The following KSR1 variants were observed in gnomAD, a reference collection of about 807,000 sequenced individuals.
KSR1 encodes kinase suppressor of ras.
Under a neutral mutation model 92.9 loss-of-function variants are expected in KSR1, and 35 were observed. The ratio of observed to expected loss-of-function variants is 0.38; its 90% confidence interval spans 0.29 to 0.50. KSR1 has a LOEUF of 0.50. Ranked by LOEUF, KSR1 falls within the 20% of genes least tolerant of loss-of-function variation. The pLI is 0.94. For synonymous variants in KSR1, 467 were observed against 472.6 expected (o/e 0.99, Z 0.15); for missense variants, 972 against 1,158.5 (o/e 0.84, Z 2.34).
At chr17:27,460,719 G>A (rs1270404515) in intron 1 of KSR1, among the ~76,000 whole-genome samples, 5 of 152,174 alleles carry the variant, frequency 3.3e-5, no homozygotes, top group African/African-American at 1.2e-4. Flanking sequence ...CCCACCGTGT[G>A]GGGGACCTGA....
Position 27,550,735 on chromosome 17 carries a change from G to T in KSR1, c.372+27G>T, listed in dbSNP as rs369260100. On this transcript the variant is annotated intron_variant, in intron 2 of 20. Coordinates refer to ENST00000644974, the MANE Select transcript of KSR1 (RefSeq NM_001394583.1). Reference sequence around the variant, plus strand: ...TATGCAAGCTGGTTCTCAGCATAGGGATAGGCATGAGGGGCCAAGCAGAGG... The same window carrying T: ...TATGCAAGCTGGTTCTCAGCATAGGTATAGGCATGAGGGGCCAAGCAGAGG... 1.5e-4 allele frequency: 115 copies of T among 755,334 alleles called. No individual in the cohort carries two copies. The African/African-American group carries it at 1.6e-3, about 11-fold the overall frequency. The allele number at this position is 755,334 out of a possible 1,614,324, so 46.8% of individuals were successfully genotyped here.
chr17:27,522,649 G>C (rs897986210), intron 1 of KSR1, among the ~76,000 whole-genome samples: 2 of 152,168 alleles, frequency 1.3e-5, no homozygotes, highest in Non-Finnish European at 2.9e-5. Flanking sequence ...GTATTGGAGA[G>C]GGCTTGAGTG....
intron 1 of KSR1, among the ~76,000 whole-genome samples, chr17:27,463,300 A>G (rs554565482): frequency 1.9e-4 from 29 of 152,192 alleles, no homozygotes; most frequent in Admixed American, 9.2e-4. Flanking sequence ...GCTTGAGTCT[A>G]GGAGTTCGAA....
intron 1 of KSR1, chr17:27,526,759 A>G (rs1278919619): frequency 8.4e-6 from 10 of 1,187,948 alleles, no homozygotes; most frequent in South Asian, 1.3e-5. Context: ...ACTCTTTCTC[A>G]TCATCGCACA....
At chr17:27,562,602 C>G (rs1249487725) in intron 2 of KSR1, among the ~76,000 whole-genome samples, 1 of 152,200 alleles carries the variant, frequency 6.6e-6, no homozygotes, top group East Asian at 1.9e-4. Flanking sequence ...TGTGTGTTCC[C>G]TCCTCCTCCT....
intron 1 of KSR1, among the ~76,000 whole-genome samples, chr17:27,527,685 C>T (rs761041737): frequency 5.9e-5 from 9 of 152,106 alleles, no homozygotes; most frequent in Non-Finnish European, 1.0e-4. Context: ...GTGAGCCATG[C>T]CCGGCCTGAC....
intron 1 of KSR1, among the ~76,000 whole-genome samples, chr17:27,527,593 C>A (rs1192143336): frequency 6.6e-6 from 1 of 152,096 alleles, no homozygotes; most frequent in Non-Finnish European, 1.5e-5. Context: ...TGGGGTTTTA[C>A]CATGTTGGCC....
chr17:27,613,590 C>G (rs1296960791), intron 18 of KSR1, among the ~76,000 whole-genome samples: 1 of 152,218 alleles, frequency 6.6e-6, no homozygotes, highest in African/African-American at 2.4e-5. Context: ...TGTACCCAGG[C>G]AAGACCCTGT....
At chr17:27,614,410 C>T (rs2074001800) in intron 18 of KSR1, among the ~76,000 whole-genome samples, 2 of 152,226 alleles carry the variant, frequency 1.3e-5, no homozygotes, top group South Asian at 2.1e-4. Context: ...GTTCTGCCCT[C>T]CTGGCAACAG....
intron 12 of KSR1, 138 bp downstream of exon 12, chr17:27,604,026 T>G: frequency 1.2e-6 from 1 of 846,924 alleles, no homozygotes; most frequent in Non-Finnish European, 1.9e-6. Flanking sequence ...ATTCACCCTC[T>G]GGGCAAGTGA....
intron 1 of KSR1, among the ~76,000 whole-genome samples, chr17:27,501,280 A>ATT (rs1567768215): frequency 1.6e-4 from 10 of 60,694 alleles, no homozygotes; most frequent in Admixed American, 3.3e-4. Flanking sequence ...TTTTTTTTTA[A>ATT]TTTCTTTTCT....
At chr17:27,612,581 A>C (rs890569358) in intron 18 of KSR1, 1 of 152,206 alleles carries the variant, frequency 6.6e-6, no homozygotes, top group Non-Finnish European at 1.5e-5. Context: ...TGATTCTGAC[A>C]GCTTTCAGTT....
chr17:27,510,462 G>A (rs528590660), intron 1 of KSR1, among the ~76,000 whole-genome samples: 1 of 152,354 alleles, frequency 6.6e-6, no homozygotes, highest in South Asian at 2.1e-4. Flanking sequence ...ACCAGCATGA[G>A]TGGTCATTTT....
At chr17:27,617,798 G>A in intron 19 of KSR1, 1 of 256,218 alleles carries the variant, frequency 3.9e-6, no homozygotes, top group South Asian at 3.8e-5. Context: ...AAAGTGCTGG[G>A]ATTACGGGCA....
intron 19 of KSR1, 52 bp downstream of exon 19, chr17:27,617,480 C>A: frequency 6.3e-7 from 1 of 1,577,342 alleles, no homozygotes; most frequent in Non-Finnish European, 8.7e-7. Context: ...CGCAGCCTCA[C>A]CTGGGGTCTT....
chr17:27,619,322 AC>A (rs2074151195), intron 19 of KSR1, among the ~76,000 whole-genome samples: 1 of 150,604 alleles, frequency 6.6e-6, no homozygotes, highest in Non-Finnish European at 1.5e-5. Context: ...CTGTTTTTTA[AC>A]CCTTTAAAGT....
chr17:27,471,351 G>A (rs745559907), intron 1 of KSR1, among the ~76,000 whole-genome samples: 1 of 152,188 alleles, frequency 6.6e-6, no homozygotes, highest in Non-Finnish European at 1.5e-5. Flanking sequence ...AGAGAGAGGT[G>A]GGGGTATGGA....
In KSR1 at chr17:27,515,420, G is replaced by A. The variant is rs564077416; in HGVS notation, c.232-35148G>A. 5.3e-5 allele frequency among the ~76,000 whole-genome samples: 8 copies of A among 152,230 alleles called. No homozygotes were observed. The South Asian group carries it at 8.3e-4, about 16-fold the overall frequency. On this transcript the variant is annotated intron_variant, in intron 1 of 20. Transcript: ENST00000644974. The stretch of plus-strand genomic sequence containing the variant: ...CACCTAAGGACATGTTTCTCAGAAC[G>A]TATTTCTGTCGTTACACGCCGCATG...
chr17:27,589,897 GT>G (rs1252983460), intron 6 of KSR1, among the ~76,000 whole-genome samples: 1 of 152,174 alleles, frequency 6.6e-6, no homozygotes, highest in Non-Finnish European at 1.5e-5. Flanking sequence ...TTAGCTGTGT[GT>G]TGTCTTCTAG....
Sources: gnomAD v4.1 joint callset for allele counts (sites outside exome capture counted in the v4.1 genomes callset) on GRCh38, gnomAD v4.1.1 for gene constraint, MANE v1.5 for transcripts, NCBI Gene and HGNC (gene_info 2026-07-23, HGNC 2026-07-21) for gene names.